Variants in KIAA1328 observed in about 807,000 individuals in gnomAD.
KIAA1328 encodes KIAA1328.
In KIAA1328, 52 loss-of-function variants were observed where a neutral mutation model predicts 68.1. That is an observed-to-expected ratio of 0.76 (90% confidence interval 0.61 to 0.96). The LOEUF is 0.96. Among genes scored for constraint, KIAA1328 ranks in the 40% least tolerant of loss-of-function variants. KIAA1328 has a pLI of 0.00. For synonymous variants in KIAA1328, 232 were observed against 239.4 expected, an observed-to-expected ratio of 0.97 and a Z score of 0.28; for missense variants, 641 against 677.6, an observed-to-expected ratio of 0.95 and a Z score of 0.60.
At chr18:37,039,666 C>T (rs549699185) in intron 6 of KIAA1328, among the ~76,000 whole-genome samples, 197 of 152,260 alleles carry the variant, frequency 1.3e-3, no homozygotes, top group Non-Finnish European at 1.9e-3. Context: ...CCGCCTCGGC[C>T]TCCCAGAGTG....
At chr18:37,175,737 G>A (rs2059586676) in intron 9 of KIAA1328, among the ~76,000 whole-genome samples, 1 of 152,066 alleles carries the variant, frequency 6.6e-6, no homozygotes, top group Admixed American at 6.5e-5. Context: ...CTACATATCA[G>A]TCACATGCAA....
intron 1 of KIAA1328, among the ~76,000 whole-genome samples, chr18:36,831,573 A>C (rs1390187467): frequency 6.6e-6 from 1 of 152,258 alleles, no homozygotes; most frequent in Non-Finnish European, 1.5e-5. Context: ...GTGTATTACC[A>C]TTAGCAATAT....
chr18:37,100,957 G>A (rs1364879301), intron 7 of KIAA1328, among the ~76,000 whole-genome samples: 2 of 152,166 alleles, frequency 1.3e-5, no homozygotes, highest in Non-Finnish European at 1.5e-5. Flanking sequence ...GCAGCTGAGG[G>A]TCCTGACTGT....
intron 9 of KIAA1328, among the ~76,000 whole-genome samples, chr18:37,202,961 C>G (rs1252656053): frequency 1.3e-5 from 2 of 151,838 alleles, no homozygotes; most frequent in Non-Finnish European, 2.9e-5. Flanking sequence ...AAAACCTTTA[C>G]TCTTGGACAG....
intron 8 of KIAA1328, among the ~76,000 whole-genome samples, chr18:37,170,998 A>T (rs578197410): frequency 6.6e-6 from 1 of 152,348 alleles, no homozygotes; most frequent in African/African-American, 2.4e-5. Flanking sequence ...GATTTTAAAA[A>T]GAAATATCTA....
At chr18:37,134,852 C>G (rs2154206137) in intron 7 of KIAA1328, among the ~76,000 whole-genome samples, 1 of 152,220 alleles carries the variant, frequency 6.6e-6, no homozygotes, top group South Asian at 2.1e-4. Context: ...CTTGCCCTGT[C>G]CCTCACTCCC....
chr18:37,011,031 C>T (rs775957298), intron 6 of KIAA1328, among the ~76,000 whole-genome samples: 2 of 152,098 alleles, frequency 1.3e-5, no homozygotes, highest in Non-Finnish European at 2.9e-5. Flanking sequence ...TTGTGAGATA[C>T]AAGAAGCTTA....
chr18:37,045,557 T>A (rs1308255824), intron 6 of KIAA1328, among the ~76,000 whole-genome samples: 2 of 152,166 alleles, frequency 1.3e-5, no homozygotes, highest in Non-Finnish European at 2.9e-5. Context: ...CCTTATTGAC[T>A]TCATAGTACT....
At chr18:36,896,432 A>T (rs2048868452) in intron 5 of KIAA1328, among the ~76,000 whole-genome samples, 1 of 152,132 alleles carries the variant, frequency 6.6e-6, no homozygotes, top group South Asian at 2.1e-4. Flanking sequence ...GTGGAACCTT[A>T]ACATCCTCAG....
At chr18:37,215,823 T>A (rs571778259) in intron 9 of KIAA1328, among the ~76,000 whole-genome samples, 1 of 152,268 alleles carries the variant, frequency 6.6e-6, no homozygotes, top group Non-Finnish European at 1.5e-5. Flanking sequence ...CCTCAATTTC[T>A]GAGCCTGTTA....
intron 7 of KIAA1328, among the ~76,000 whole-genome samples, chr18:37,117,114 G>A (rs893367315): frequency 8.5e-5 from 13 of 152,136 alleles, no homozygotes; most frequent in Admixed American, 1.3e-4. Flanking sequence ...GATTCCTCAG[G>A]GATCTAGAAC....
intron 6 of KIAA1328, among the ~76,000 whole-genome samples, chr18:36,972,693 A>G (rs1022338416): frequency 3.9e-5 from 6 of 152,230 alleles, no homozygotes; most frequent in Non-Finnish European, 7.3e-5. Context: ...TTGGTCTTTC[A>G]TGGATAGGGT....
intron 8 of KIAA1328, among the ~76,000 whole-genome samples, chr18:37,166,942 A>G (rs774296969): frequency 3.9e-5 from 6 of 152,236 alleles, no homozygotes; most frequent in Admixed American, 6.5e-5. Flanking sequence ...ACCTCCCAAC[A>G]AAACAAGCCC....
At chr18:36,850,167 G>A (rs1019228147) in intron 4 of KIAA1328, among the ~76,000 whole-genome samples, 6 of 150,980 alleles carry the variant, frequency 4.0e-5, no homozygotes, top group African/African-American at 1.5e-4. Flanking sequence ...CTTTCTCAGT[G>A]GTATTCTTTG....
Position 37,222,801 on chromosome 18 carries a change from A to G in KIAA1328, c.*574A>G, listed in dbSNP as rs2060587681. 1.0e-6 allele frequency: 1 copy of G among 991,934 alleles called. No homozygotes were observed. Among genetic ancestry groups the G allele is most frequent in the South Asian group, 4.6e-5 (1 of 21,808 alleles). 61.4% of individuals were successfully genotyped at this position (991,934 alleles called of 1,614,324 possible). On this transcript the variant is annotated 3_prime_UTR_variant, in exon 10 of 10. Coordinates refer to ENST00000280020, the MANE Select transcript of KIAA1328 (RefSeq NM_020776.3). ...CAATTGTGAGTCAGTCTCAGTAGCC[A>G]TCAGCCTGGCAGCTGCCCATCCCAT...
intron 9 of KIAA1328, among the ~76,000 whole-genome samples, chr18:37,192,193 TGCGTGTG>T (rs1046479506): frequency 4.7e-4 from 68 of 145,986 alleles, no homozygotes; most frequent in Non-Finnish European, 6.4e-4. Flanking sequence ...GTATGTGTGT[TGCGTGTG>T]TGGAGGGGCA....
intron 6 of KIAA1328, among the ~76,000 whole-genome samples, chr18:36,992,957 A>T (rs1208549822): frequency 6.6e-6 from 1 of 152,120 alleles, no homozygotes; most frequent in Non-Finnish European, 1.5e-5. Context: ...TACCAAAAAA[A>T]TCAGTTGGGT....
chr18:37,165,108 G>A (rs2059359805), intron 8 of KIAA1328, among the ~76,000 whole-genome samples: 1 of 151,994 alleles, frequency 6.6e-6, no homozygotes, highest in Admixed American at 6.6e-5. Flanking sequence ...TCACTCTCAG[G>A]CCCACCCCTA....
At chr18:36,962,057 A>G (rs1261851354) in intron 6 of KIAA1328, among the ~76,000 whole-genome samples, 1 of 152,242 alleles carries the variant, frequency 6.6e-6, no homozygotes, top group Non-Finnish European at 1.5e-5. Context: ...AATGTGCTGT[A>G]TTCAGGAGAC....
Sources: allele counts gnomAD v4.1 joint callset (sites outside exome capture counted in the v4.1 genomes callset), GRCh38; gene constraint gnomAD v4.1.1; transcripts MANE v1.5; gene names NCBI Gene and HGNC (gene_info 2026-07-23, HGNC 2026-07-21).